The following TLR5 variants were observed in gnomAD, a reference collection of about 807,000 sequenced individuals.
The protein encoded by TLR5 is toll like receptor 5.
For missense variants in TLR5, 944 were observed against 999.8 expected (o/e 0.94, Z 0.75); for synonymous variants, 373 against 384.4 (o/e 0.97, Z 0.35).
intron 5 of TLR5, among the ~76,000 whole-genome samples, chr1:223,130,345 G>T (rs1657349608): frequency 6.6e-6 from 1 of 152,212 alleles, no homozygotes; most frequent in Non-Finnish European, 1.5e-5. Flanking sequence ...GCCAGGTATT[G>T]TTTGGTTCTC....
intron 5 of TLR5, among the ~76,000 whole-genome samples, chr1:223,117,279 C>G (rs947259011): frequency 6.6e-6 from 1 of 152,076 alleles, no homozygotes; most frequent in Admixed American, 6.5e-5. Flanking sequence ...TCGCGCTGGC[C>G]CGTGAGCACC....
At chr1:223,123,492 C>A (rs577199834) in intron 5 of TLR5, 1 of 152,028 alleles carries the variant, frequency 6.6e-6, no homozygotes, top group Admixed American at 6.5e-5. Context: ...GGGCTTATGT[C>A]GTATTACAAA....
chr1:223,135,403 G>A (rs1312267979), intron 3 of TLR5, among the ~76,000 whole-genome samples: 1 of 152,186 alleles, frequency 6.6e-6, no homozygotes, highest in East Asian at 1.9e-4. Context: ...TCCATTCTGA[G>A]TCAGGGCAGG....
In TLR5 at chr1:223,110,720, G is replaced by T; in HGVS notation, c.2312C>A (p.Ala771Asp). 6.2e-7 allele frequency: 1 copy of T among 1,614,142 alleles called. No individual in the cohort carries two copies. Among genetic ancestry groups the T allele is most frequent in the Non-Finnish European group, 8.5e-7 (1 of 1,180,026 alleles). ...HFLRDGWCLE[A>D]FSYAQGRCLS... is the part of the protein sequence containing the mutation. ...GCACCTGCCCTGGGCATAACTGAAG[G>T]CTTCAAGGCACCAGCCATCTCTAAG... The change falls in exon 6 of 6, where the codon GCC becomes GAC. Residue 771 changes from alanine (A) to aspartate (D), a missense_variant. By Grantham distance (126) the Ala-to-Asp change is moderately radical. Transcript: ENST00000642603.
At position 223,110,335 on chromosome 1, in the gene TLR5, T is replaced by C. The variant is rs1348374967; in HGVS notation, c.*120A>G. The C allele has an allele frequency of 2.0e-6, 2 of 991,318 alleles. No homozygotes were observed. The highest frequency in any genetic ancestry group is 3.3e-5 in the African/African-American group (2 of 61,290). 61.4% of individuals were successfully genotyped at this position (991,318 alleles called of 1,614,324 possible). On this transcript the variant is annotated 3_prime_UTR_variant, in exon 6 of 6. Transcript: ENST00000642603. Reference sequence around the variant, plus strand: ...ACGAAAATTGAGAGATTTATGTTGTTTTCATAGTAGCAAAAAGAAAAAAAA... The same window carrying C: ...ACGAAAATTGAGAGATTTATGTTGTCTTCATAGTAGCAAAAAGAAAAAAAA...
intron 5 of TLR5, among the ~76,000 whole-genome samples, chr1:223,125,011 GCTGA>G (rs1242243258): frequency 1.3e-5 from 2 of 152,226 alleles, no homozygotes; most frequent in Non-Finnish European, 2.9e-5. Context: ...GAATGAGGTA[GCTGA>G]CTAATATTGG....
chr1:223,113,705 C>T (rs1035947984), intron 5 of TLR5, among the ~76,000 whole-genome samples: 20 of 152,186 alleles, frequency 1.3e-4, no homozygotes, highest in African/African-American at 4.3e-4. Context: ...AGCGATCCTC[C>T]TACCTTGGCC....
rs750037300 is a variant in TLR5, at chr1:223,112,986, C to T, written c.46G>A (p.Gly16Ser). Residue 16 changes from glycine (G) to serine (S), a missense_variant, in exon 6 of 6, where the codon GGT (glycine) becomes AGT (serine). Gly to Ser is a moderately conservative substitution (Grantham distance 56). Transcript: ENST00000642603. ...DLLLGVVLMA[G>S]PVFGIPSCSF... The stretch of plus-strand genomic sequence containing the variant: ...CAGGAAGGAATTCCAAACACAGGAC[C>T]GGCCATGAGCACCACTCCTAGGAGA... 89 of 1,613,994 alleles carry T rather than the reference C, an allele frequency of 5.5e-5. No individual in the cohort carries two copies. In the Middle Eastern group the frequency reaches 1.5e-3, roughly 27 times the overall value.
chr1:223,113,068 C>A, intron 5 of TLR5, 33 bp from the exon 6 acceptor site: 1 of 1,608,804 alleles, frequency 6.2e-7, no homozygotes, highest in Non-Finnish European at 8.5e-7. Flanking sequence ...AAAACACAGG[C>A]ATTTAAGCTC....
intron 3 of TLR5, among the ~76,000 whole-genome samples, chr1:223,135,121 C>G (rs181932005): frequency 8.9e-4 from 136 of 152,278 alleles, no homozygotes; most frequent in African/African-American, 3.1e-3. Flanking sequence ...CCAATGCACC[C>G]TGCAGCTGCT....
intron 5 of TLR5, among the ~76,000 whole-genome samples, chr1:223,118,475 A>G (rs2102887550): frequency 6.6e-6 from 1 of 151,582 alleles, no homozygotes; most frequent in Admixed American, 6.6e-5. Context: ...TGAACCCAGG[A>G]GTCAGAGGTT....
intron 5 of TLR5, among the ~76,000 whole-genome samples, chr1:223,117,352 TC>T (rs1257567877): frequency 1.3e-5 from 2 of 151,670 alleles, no homozygotes; most frequent in African/African-American, 4.8e-5. Context: ...GGGATCCTGC[TC>T]CGGCCTCAGC....
chr1:223,122,489 T>G (rs1656992676), intron 5 of TLR5, among the ~76,000 whole-genome samples: 1 of 152,026 alleles, frequency 6.6e-6, no homozygotes, highest in African/African-American at 2.4e-5. Flanking sequence ...ACAAGAATAG[T>G]GGGGGAGAAC....
At chr1:223,116,530 G>T (rs893989672) in intron 5 of TLR5, among the ~76,000 whole-genome samples, 3 of 152,178 alleles carry the variant, frequency 2.0e-5, no homozygotes, top group Non-Finnish European at 4.4e-5. Context: ...CCCAAAGAGC[G>T]AGCGGCAGCA....
rs1162416927 is a variant in TLR5 at position 223,112,297 on chromosome 1, GT to G, written c.734del (p.Asn245ThrfsTer14). On this transcript the variant is annotated frameshift_variant, in exon 6 of 6. Coordinates refer to ENST00000642603, the MANE Select transcript of TLR5 (RefSeq NM_003268.6). LOFTEE classifies it low-confidence loss of function (END_TRUNC). ...GGCTTTTGCTGATGGCATTGCTAAA[GT>G]TTCCTGTGATGTCCACTGTCCAGCC... The part of the protein sequence containing the change: ...GNGWTVDITG[N>X]FSNAISKSQA... 6.2e-7 allele frequency: 1 copy of G among 1,614,196 alleles called. No homozygotes were observed. Among genetic ancestry groups the G allele is most frequent in the South Asian group, 1.1e-5 (1 of 91,082 alleles).
At chr1:223,117,697 AAC>A (rs1656747188) in intron 5 of TLR5, among the ~76,000 whole-genome samples, 2 of 152,160 alleles carry the variant, frequency 1.3e-5, no homozygotes, top group Non-Finnish European at 2.9e-5. Flanking sequence ...TTTTATCTGT[AAC>A]ACTCTAAAAG....
Position 223,131,863 on chromosome 1 carries a change from G to A in TLR5, c.-5+612C>T, listed in dbSNP as rs571352636. On this transcript the variant is annotated intron_variant, in intron 5 of 5. Coordinates refer to ENST00000642603, the MANE Select transcript of TLR5 (RefSeq NM_003268.6). This position sits in a 1 kb window ranked among gnomAD's most constrained non-coding sequence, Gnocchi z 4.2. ...CCCAAAGTGTTGGGATTCCAGGCAT[G>A]AGCCACCATGCCTGGCCTATATGCA... is the stretch of plus-strand genomic sequence containing the variant. Among the ~76,000 whole-genome samples, 1 of 151,840 alleles carries A rather than the reference G, an allele frequency of 6.6e-6. No homozygotes were observed. Among genetic ancestry groups the A allele is most frequent in the East Asian group, 1.9e-4 (1 of 5,142 alleles).
At position 223,131,365 on chromosome 1, in the gene TLR5, C is replaced by A. The variant is rs1168548039; in HGVS notation, c.-5+1110G>T. Among the ~76,000 whole-genome samples the A allele has an allele frequency of 2.0e-5, 3 of 152,210 alleles. No homozygotes were observed. Among genetic ancestry groups the A allele is most frequent in the Non-Finnish European group, 4.4e-5 (3 of 68,048 alleles). On this transcript the variant is annotated intron_variant, in intron 5 of 5. Transcript: ENST00000642603. This position sits in a 1 kb window ranked among gnomAD's most constrained non-coding sequence, Gnocchi z 4.2. ...ACTGGCATCCCATCACTGCCTTGTG[C>A]TCGAGATCTAACTTGCCATTCTCAG...
chr1:223,117,089 C>T (rs1182084939), intron 5 of TLR5, among the ~76,000 whole-genome samples: 2 of 152,142 alleles, frequency 1.3e-5, no homozygotes, highest in Non-Finnish European at 2.9e-5. Context: ...CTGCAGGTCC[C>T]GAGCCCTGCC....
Sources: allele counts gnomAD v4.1 joint callset (sites outside exome capture counted in the v4.1 genomes callset), GRCh38; gene constraint gnomAD v4.1.1; non-coding constraint Gnocchi (gnomAD v3.1); transcripts MANE v1.5; gene names NCBI Gene and HGNC (gene_info 2026-07-23, HGNC 2026-07-21).